HEG1: variants seen among roughly 807,000 people sequenced by gnomAD.
The protein encoded by HEG1 is protein HEG homolog 1.
HEG1 carries 56 observed loss-of-function variants against 125.6 expected under a neutral mutation model. The ratio of observed to expected loss-of-function variants is 0.45; its 90% confidence interval spans 0.36 to 0.56. The LOEUF (loss-of-function observed/expected upper bound fraction) is 0.56, where lower values mean the gene tolerates loss of function less well. Ranked by LOEUF, HEG1 falls within the 20% of genes least tolerant of loss-of-function variation. HEG1 has a pLI of 0.00. For synonymous variants in HEG1, 644 were observed against 668.5 expected, an observed-to-expected ratio of 0.96 and a Z score of 0.57; for missense variants, 1,523 against 1,670.0, an observed-to-expected ratio of 0.91 and a Z score of 1.53.
intron 1 of HEG1, among the ~76,000 whole-genome samples, chr3:125,049,264 T>C (rs115709744): frequency 2.0e-3 from 303 of 152,292 alleles, no homozygotes; most frequent in African/African-American, 6.5e-3. Context: ...TTAACTTACA[T>C]GGACCTTCAC....
Position 124,969,419 on chromosome 3 carries a change from G to A in HEG1, c.*1233C>T, listed in dbSNP as rs1936384627. On this transcript the variant is annotated 3_prime_UTR_variant, in exon 17 of 17. Coordinates refer to ENST00000311127, the MANE Select transcript of HEG1 (RefSeq NM_020733.2). ...AAGTATAACCACGTTTCTGGAGGGT[G>A]CGACATAGCCATATGAAGAGGTACA... is the stretch of plus-strand genomic sequence containing the variant. The A allele has an allele frequency of 6.6e-6, 1 of 152,224 alleles. No individual in the cohort carries two copies. Among genetic ancestry groups the A allele is most frequent in the Non-Finnish European group, 1.5e-5 (1 of 68,056 alleles). The allele number at this position is 152,224 out of a possible 1,614,324, so 9.4% of individuals were successfully genotyped here. A position where few individuals can be genotyped will look rare whatever the true frequency, so the allele number is the denominator to read the frequency against.
At chr3:125,004,062 G>C (rs1937036981) in intron 9 of HEG1, among the ~76,000 whole-genome samples, 1 of 152,142 alleles carries the variant, frequency 6.6e-6, no homozygotes, top group South Asian at 2.1e-4. Flanking sequence ...GTGGACTCAG[G>C]CAATGTCATT....
intron 3 of HEG1, among the ~76,000 whole-genome samples, chr3:125,025,787 T>C (rs1390915284): frequency 1.3e-5 from 2 of 152,340 alleles, no homozygotes; most frequent in African/African-American, 4.8e-5. Flanking sequence ...CTGGAAGAAT[T>C]GCAGCTTTTA....
intron 3 of HEG1, among the ~76,000 whole-genome samples, chr3:125,026,686 G>T (rs1265441458): frequency 1.3e-5 from 2 of 152,096 alleles, no homozygotes; most frequent in Non-Finnish European, 1.5e-5. Context: ...GCACCCCAAG[G>T]TAAGGTCTCT....
At chr3:125,046,150 G>C (rs995834855) in intron 1 of HEG1, among the ~76,000 whole-genome samples, 1 of 151,926 alleles carries the variant, frequency 6.6e-6, no homozygotes, top group African/African-American at 2.4e-5. Context: ...AGAGCTCCAC[G>C]GCATCTCTCC....
chr3:125,044,534 C>T (rs929483772), intron 1 of HEG1, among the ~76,000 whole-genome samples: 8 of 152,270 alleles, frequency 5.3e-5, no homozygotes, highest in East Asian at 1.9e-4. Flanking sequence ...TCCATCCTCA[C>T]GACAGCCTTA....
intron 7 of HEG1, 94 bp downstream of exon 7, chr3:125,010,345 T>G: frequency 1.4e-6 from 1 of 701,054 alleles, no homozygotes; most frequent in Non-Finnish European, 2.5e-6. Context: ...ACTAAAACAG[T>G]GTATTTGTCC....
At position 124,990,818 on chromosome 3, in the gene HEG1, T is replaced by C. The variant is rs753571578; in HGVS notation, c.3702A>G (p.Pro1234=). 1.9e-6 allele frequency: 3 copies of C among 1,564,166 alleles called. No individual in the cohort carries two copies. Among genetic ancestry groups the C allele is most frequent in the Admixed American group, 1.9e-5 (1 of 52,418 alleles). The change falls in exon 14 of 17, where the codon CCA becomes CCG. Residue 1234 remains proline, a synonymous_variant. Coordinates refer to ENST00000311127, the MANE Select transcript of HEG1 (RefSeq NM_020733.2). Reference sequence around the variant, plus strand: ...CACAGTTGAGACCACCAAGGCCAAATGGGCAACTGCAAGCCAAGAAAGAAA... The same window carrying C: ...CACAGTTGAGACCACCAAGGCCAAACGGGCAACTGCAAGCCAAGAAAGAAA... ...RLENETCMSC[P]FGLGGLNCGN...
intron 5 of HEG1, chr3:125,014,604 T>G (rs897299308): frequency 1.0e-6 from 1 of 954,228 alleles, no homozygotes; most frequent in African/African-American, 1.7e-5. Flanking sequence ...ATAAAGAGCT[T>G]GTAAGGCACT....
chr3:125,049,126 C>T (rs1380562846), intron 1 of HEG1, among the ~76,000 whole-genome samples: 1 of 152,130 alleles, frequency 6.6e-6, no homozygotes. Flanking sequence ...TTTAGGAGTC[C>T]CACTAAACAG....
At chr3:124,997,861 CCTT>C (rs775939768) in intron 11 of HEG1, 38 bp from the exon 12 acceptor site, 27 of 1,531,306 alleles carry the variant, frequency 1.8e-5, no homozygotes, top group Non-Finnish European at 2.2e-5. Flanking sequence ...CAAAACAAAA[CCTT>C]CTCCACTTCA....
In HEG1 at chr3:125,055,935, A is replaced by AGGTCAGC; in HGVS notation, c.-46_-45insGCTGACC. 1 of 800,162 alleles carries AGGTCAGC rather than the reference A, an allele frequency of 1.2e-6. No homozygotes were observed. Among genetic ancestry groups the AGGTCAGC allele is most frequent in the Non-Finnish European group, 1.5e-6 (1 of 664,188 alleles). The allele number at this position is 800,162 out of a possible 1,614,324, so 49.6% of individuals were successfully genotyped here. A position where few individuals can be genotyped will look rare whatever the true frequency, so the allele number is the denominator to read the frequency against. On this transcript the variant is annotated 5_prime_UTR_variant, in exon 1 of 17. Transcript: ENST00000311127. ...GCTCACATGCCCGGCGCGCGGGGCG[A>AGGTCAGC]GGGCAGCGGGCAGCGGGCAGCGGGC...
At chr3:125,011,992 C>T (rs954560170) in intron 6 of HEG1, among the ~76,000 whole-genome samples, 2 of 152,166 alleles carry the variant, frequency 1.3e-5, no homozygotes, top group South Asian at 2.1e-4. Context: ...GAGCTCTGGC[C>T]GTGCGGTCAC....
At chr3:125,051,033 C>T (rs1029167459) in intron 1 of HEG1, among the ~76,000 whole-genome samples, 37 of 152,322 alleles carry the variant, frequency 2.4e-4, no homozygotes, top group African/African-American at 8.4e-4. Context: ...CACTGCTCCA[C>T]GTTCCCAGGA....
At chr3:124,976,766 A>G (rs1232066665) in intron 15 of HEG1, among the ~76,000 whole-genome samples, 6 of 152,004 alleles carry the variant, frequency 3.9e-5, no homozygotes, top group Admixed American at 3.3e-4. Flanking sequence ...CTGGTTGTTC[A>G]AAAGAGCCTG....
intron 12 of HEG1, among the ~76,000 whole-genome samples, chr3:124,991,487 T>A (rs1936833700): frequency 6.6e-6 from 1 of 152,128 alleles, no homozygotes. Flanking sequence ...TTTCTTAACC[T>A]CTTTGTGGCT....
intron 14 of HEG1, among the ~76,000 whole-genome samples, chr3:124,984,326 C>A (rs1238019170): frequency 1.3e-5 from 2 of 151,632 alleles, no homozygotes; most frequent in Non-Finnish European, 2.9e-5. Context: ...GAGGTGCAGA[C>A]CCTTTGAATG....
chr3:125,048,513 C>T (rs1937730376), intron 1 of HEG1, among the ~76,000 whole-genome samples: 2 of 152,230 alleles, frequency 1.3e-5, no homozygotes, highest in Admixed American at 1.3e-4. Context: ...CAGGGGGATG[C>T]CATGTGCCAA....
In HEG1 at chr3:125,044,930, C is replaced by T. The variant is rs182843734; in HGVS notation, c.316+10645G>A. ...AACTCACTGTCCAAATGGAATTCAG[C>T]GCTCTGATACGATTTAGAAGAAAGG... On this transcript the variant is annotated intron_variant, in intron 1 of 16. Transcript: ENST00000311127. Among the ~76,000 whole-genome samples the T allele has an allele frequency of 3.4e-4, 52 of 152,146 alleles. 1 individual carries two copies. Among genetic ancestry groups the T allele is most frequent in the Non-Finnish European group, 8.8e-5 (6 of 68,012 alleles).
Sources: allele counts gnomAD v4.1 joint callset (sites outside exome capture counted in the v4.1 genomes callset), GRCh38; gene constraint gnomAD v4.1.1; transcripts MANE v1.5; gene names NCBI Gene and HGNC (gene_info 2026-07-23, HGNC 2026-07-21).